Variants in ACAN observed in about 807,000 individuals in gnomAD.
ACAN encodes the protein aggrecan core protein.
A neutral mutation model predicts 169.1 loss-of-function variants in ACAN; 47 were observed. The observed-to-expected ratio is 0.28, with a 90% confidence interval of 0.22 to 0.35. The LOEUF is 0.35. ACAN is among the 10% of genes least tolerant of loss of function. The pLI is 1.00. For synonymous variants in ACAN, 1,115 were observed against 1,112.2 expected (o/e 1.00, Z -0.05); for missense variants, 2,716 against 2,759.9 (o/e 0.98, Z 0.36).
rs917587734 is a variant in ACAN, at chr15:88,872,182, G to A, written c.7302+97G>A. The A allele has an allele frequency of 3.9e-5, 41 of 1,053,760 alleles. No homozygotes were observed. Among genetic ancestry groups the A allele is most frequent in the East Asian group, 3.7e-4 (15 of 40,848 alleles). 65.3% of individuals were successfully genotyped at this position (1,053,760 alleles called of 1,614,324 possible). ...GCATTCAAACCCCATGCAGACAGCC[G>A]CTTACCAGCTGCTGGACCGGGAACC... On this transcript the variant is annotated intron_variant, in intron 16 of 18. Coordinates refer to ENST00000560601, the MANE Select transcript of ACAN (RefSeq NM_001369268.1). The surrounding 1 kb of genome is among the most constrained non-coding windows in gnomAD (Gnocchi z 5.4).
chr15:88,826,700 T>C (rs1896231932), intron 1 of ACAN, among the ~76,000 whole-genome samples: 1 of 152,202 alleles, frequency 6.6e-6, no homozygotes, highest in Non-Finnish European at 1.5e-5. Flanking sequence ...TCTCGTGAAC[T>C]AATTAGTGAT....
intron 1 of ACAN, among the ~76,000 whole-genome samples, chr15:88,833,711 C>G (rs1260749123): frequency 2.2e-5 from 3 of 135,652 alleles, no homozygotes; most frequent in Non-Finnish European, 4.6e-5. Flanking sequence ...TCTGCCCACT[C>G]CACCCCTATC....
intron 2 of ACAN, 41 bp downstream of exon 2, chr15:88,836,317 A>G: frequency 6.5e-7 from 1 of 1,546,436 alleles, no homozygotes; most frequent in Admixed American, 1.7e-5. Context: ...TTCAGTAGGC[A>G]TGAGTAGTGG....
At chr15:88,836,810 A>G (rs1450410284) in intron 2 of ACAN, among the ~76,000 whole-genome samples, 3 of 152,232 alleles carry the variant, frequency 2.0e-5, no homozygotes. Context: ...CTAATCCAGC[A>G]TTGGACCAAA....
chr15:88,838,643 A>G lies in ACAN; in HGVS notation c.71-20A>G. ...CTAGGCACTAACAGGTCTCTCTTCT[A>G]CCCCACCTCTCCCACACAGACCATG... On this transcript the variant is annotated intron_variant, in intron 2 of 18. Transcript: ENST00000560601. The surrounding 1 kb of genome is among the most constrained non-coding windows in gnomAD (Gnocchi z 5.1). 1 of 1,559,164 alleles carries G rather than the reference A, an allele frequency of 6.4e-7. No homozygotes were observed.
intron 1 of ACAN, among the ~76,000 whole-genome samples, chr15:88,832,303 T>TAAAA (rs149428400): frequency 2.9e-5 from 4 of 137,618 alleles, no homozygotes; most frequent in African/African-American, 1.0e-4. Flanking sequence ...GTAGATACCT[T>TAAAA]AAAAAAAAAA....
chr15:88,828,680 T>C (rs534061489), intron 1 of ACAN, among the ~76,000 whole-genome samples: 2 of 152,292 alleles, frequency 1.3e-5, no homozygotes, highest in East Asian at 3.9e-4. Flanking sequence ...AGGGTGGAGA[T>C]GCAGTTCCTT....
chr15:88,860,387 A>G lies in ACAN; in HGVS notation c.6894A>G (p.Gly2298=), dbSNP rs373512626. ...CGAGTCKETE[G]HVICLCPPGY... ...CTGGGACCTGCAAGGAGACAGAGGG[A>G]CACGTCATATGCCTGTGCCCCCCTG... The change falls in exon 13 of 19, where the codon GGA becomes GGG. Residue 2298 remains glycine (G), a synonymous_variant. Transcript: ENST00000560601. 11 of 1,613,538 alleles carry G rather than the reference A, an allele frequency of 6.8e-6. No individual in the cohort carries two copies.
At chr15:88,829,313 G>T (rs1462023147) in intron 1 of ACAN, among the ~76,000 whole-genome samples, 2 of 152,214 alleles carry the variant, frequency 1.3e-5, no homozygotes, top group Non-Finnish European at 2.9e-5. Context: ...CCAATTTACA[G>T]AAGGGAAAAC....
chr15:88,854,887 A>G lies in ACAN; in HGVS notation c.2302A>G (p.Thr768Ala). ...LPTWPPTGAATEESTEGPSAT... is the reference protein window; with the variant it reads ...LPTWPPTGAAAEESTEGPSAT... The stretch of plus-strand genomic sequence containing the variant: ...TACTTGGCCTCCCACTGGCGCAGCA[A>G]CAGAGGAAAGTACAGAAGGCCCTTC... Residue 768 changes from threonine to alanine, a missense_variant, in exon 12 of 19, where the codon ACA becomes GCA. Physicochemically the swap from Thr to Ala is moderately conservative, Grantham distance 58. Around this residue, in one of 3 missense-constraint regions of ACAN, gnomAD observed 1,283 missense variants for 1,281.5 expected, o/e 1.00. Transcript: ENST00000560601. 1 of 1,523,800 alleles carries G rather than the reference A, an allele frequency of 6.6e-7. No homozygotes were observed. Among genetic ancestry groups the G allele is most frequent in the Non-Finnish European group, 8.8e-7 (1 of 1,142,550 alleles). The allele number at this position is 1,523,800 out of a possible 1,614,324, so 94.4% of individuals were successfully genotyped here. A position where few individuals can be genotyped will look rare whatever the true frequency, so the allele number is the denominator to read the frequency against.
chr15:88,849,434 C>T lies in ACAN; in HGVS notation c.1733-4C>T. ...CATATTCTACCCCTTGCCTCTGCCC[C>T]CAGGGGAGGTGTTCTTCGCCACACG... On this transcript the variant is annotated splice_polypyrimidine_tract_variant and splice_region_variant and intron_variant, in intron 9 of 18. Transcript: ENST00000560601. This position sits in a 1 kb window ranked among gnomAD's most constrained non-coding sequence, Gnocchi z 5.1. 6.3e-7 allele frequency: 1 copy of T among 1,578,760 alleles called. No individual in the cohort carries two copies. The highest frequency in any genetic ancestry group is 8.6e-7 in the Non-Finnish European group (1 of 1,159,062).
chr15:88,806,911 G>C (rs755715080), intron 1 of ACAN, among the ~76,000 whole-genome samples: 29 of 152,126 alleles, frequency 1.9e-4, no homozygotes, highest in Non-Finnish European at 3.5e-4. Flanking sequence ...GCAAAGGTAA[G>C]TACTGTTTCT....
intron 1 of ACAN, among the ~76,000 whole-genome samples, chr15:88,826,672 G>A (rs574538255): frequency 1.2e-4 from 18 of 152,184 alleles, no homozygotes; most frequent in Non-Finnish European, 2.2e-4. Context: ...AGAACTGGAA[G>A]AGATTTGGGT....
chr15:88,855,008 C>T lies in ACAN; in HGVS notation c.2423C>T (p.Ser808Leu), dbSNP rs1897016020. The change falls in exon 12 of 19, where the codon TCA becomes TTA. Residue 808 changes from serine to leucine, a missense_variant. By Grantham distance (145) the Ser-to-Leu change is moderately radical. This residue lies in a region of ACAN where 1,283 missense variants were observed against 1,281.5 expected (regional missense o/e 1.00). Coordinates refer to ENST00000560601, the MANE Select transcript of ACAN (RefSeq NM_001369268.1). ...EPSPSEEPFPSVRPFPSVELF... is the reference protein window; with the variant it reads ...EPSPSEEPFPLVRPFPSVELF... The stretch of plus-strand genomic sequence containing the variant: ...TCCCCCTCAGAGGAACCATTCCCCT[C>T]AGTGAGGCCATTCCCCTCAGTGGAG... The T allele has an allele frequency of 2.5e-6, 4 of 1,595,536 alleles. No individual in the cohort carries two copies. The highest frequency in any genetic ancestry group is 2.7e-5 in the African/African-American group (2 of 74,370).
chr15:88,841,514 CT>C (rs1237029047), intron 4 of ACAN, among the ~76,000 whole-genome samples: 1 of 152,000 alleles, frequency 6.6e-6, no homozygotes, highest in East Asian at 1.9e-4. Context: ...ATGTGAGCCC[CT>C]GATAGAGAAA....
chr15:88,870,953 G>C lies in ACAN; in HGVS notation c.7061-429G>C, dbSNP rs1160642231. Reference sequence around the variant, plus strand: ...TGCCCCAGCGCTACCAGCTTCCACTGCCTCCACACACTTCCCCACAGCTCC... The same window carrying C: ...TGCCCCAGCGCTACCAGCTTCCACTCCCTCCACACACTTCCCCACAGCTCC... On this transcript the variant is annotated intron_variant, in intron 14 of 18. Coordinates refer to ENST00000560601, the MANE Select transcript of ACAN (RefSeq NM_001369268.1). The surrounding 1 kb of genome is among the most constrained non-coding windows in gnomAD (Gnocchi z 6.3). Among the ~76,000 whole-genome samples, 2 of 152,124 alleles carry C rather than the reference G, an allele frequency of 1.3e-5. No individual in the cohort carries two copies. Among genetic ancestry groups the C allele is most frequent in the Non-Finnish European group, 2.9e-5 (2 of 68,018 alleles).
chr15:88,873,220 C>T lies in ACAN; in HGVS notation c.7447+195C>T, dbSNP rs1897425247. Among the ~76,000 whole-genome samples, 1 of 152,214 alleles carries T rather than the reference C, an allele frequency of 6.6e-6. No individual in the cohort carries two copies. Among genetic ancestry groups the T allele is most frequent in the Non-Finnish European group, 1.5e-5 (1 of 68,032 alleles). On this transcript the variant is annotated intron_variant, in intron 17 of 18. Coordinates refer to ENST00000560601, the MANE Select transcript of ACAN (RefSeq NM_001369268.1). The surrounding 1 kb of genome is among the most constrained non-coding windows in gnomAD (Gnocchi z 7.5). ...GGCATCCCAGGGCCAATGGCAAGGG[C>T]AAGCTCGCTGCCAGGGACCGTTTGC...
In ACAN at chr15:88,849,517, G is replaced by A. The variant is rs576643706; in HGVS notation, c.1812G>A (p.Thr604=). 6.1e-5 allele frequency: 98 copies of A among 1,606,638 alleles called. 1 individual carries two copies. The highest frequency in any genetic ancestry group is 5.4e-4 in the South Asian group (49 of 89,994). The part of the protein sequence containing the change: ...ALEFCESHNA[T]LATTGQLYAA... The stretch of plus-strand genomic sequence containing the variant: ...AGTTCTGTGAATCTCACAATGCTAC[G>A]CTGGCCACCACGGGCCAGCTCTACG... Residue 604 remains threonine, a synonymous_variant, in exon 10 of 19, where the codon ACG becomes ACA. Transcript: ENST00000560601. This position sits in a 1 kb window ranked among gnomAD's most constrained non-coding sequence, Gnocchi z 5.1.
At position 88,860,405 on chromosome 15, in the gene ACAN, C is replaced by A. The variant is rs1489993778; in HGVS notation, c.6912C>A (p.Cys2304Ter). The A allele has an allele frequency of 6.2e-7, 1 of 1,613,060 alleles. No individual in the cohort carries two copies. Among genetic ancestry groups the A allele is most frequent in the Non-Finnish European group, 8.5e-7 (1 of 1,179,488 alleles). ...KETEGHVICLCPPGYTGEHCN... is the reference protein window; with the variant it reads ...KETEGHVICL The stretch of plus-strand genomic sequence containing the variant: ...CAGAGGGACACGTCATATGCCTGTG[C>A]CCCCCTGGCTACACTGGCGAGCACT... The change falls in exon 13 of 19, where the codon TGC becomes TGA. Residue 2304 changes from cysteine (C) to a stop codon, truncating the protein, a stop_gained. Transcript: ENST00000560601. LOFTEE classifies it high-confidence loss of function.
Sources: allele counts gnomAD v4.1 joint callset (sites outside exome capture counted in the v4.1 genomes callset), GRCh38; gene constraint gnomAD v4.1.1; regional missense constraint gnomAD v4.1.1; non-coding constraint Gnocchi (gnomAD v3.1); transcripts MANE v1.5; gene names NCBI Gene and HGNC (gene_info 2026-07-23, HGNC 2026-07-21).